The following DPP10 variants were observed in gnomAD, a reference collection of about 807,000 sequenced individuals.
The protein encoded by DPP10 is inactive dipeptidyl peptidase 10.
Under a neutral mutation model 120.9 loss-of-function variants are expected in DPP10, and 33 were observed. That is an observed-to-expected ratio of 0.27 (90% CI 0.21 to 0.37). The LOEUF is 0.37. Ranked by LOEUF, DPP10 falls within the 10% of genes least tolerant of loss-of-function variation. The pLI, the probability that DPP10 is intolerant of heterozygous loss-of-function variation, is 1.00. For missense variants in DPP10, 816 were observed against 942.8 expected, an observed-to-expected ratio of 0.87 and a Z score of 1.76; for synonymous variants, 337 against 326.1, an observed-to-expected ratio of 1.03 and a Z score of -0.36.
chr2:114,924,982 G>C lies in DPP10; in HGVS notation c.61-384257G>C, dbSNP rs367800426. Among the ~76,000 whole-genome samples the C allele has an allele frequency of 2.6e-5, 4 of 151,944 alleles. No individual in the cohort carries two copies. The South Asian group carries it at 6.2e-4, about 24-fold the overall frequency. ...ATCCCAGCACTTTGGGAGGCCGAGG[G>C]GGGCTAATCACGAGGTCAGGAGTTT... On this transcript the variant is annotated intron_variant, in intron 1 of 25. Coordinates refer to ENST00000410059, the MANE Select transcript of DPP10 (RefSeq NM_020868.6).
At chr2:114,880,128 G>A (rs572227980) in intron 1 of DPP10, among the ~76,000 whole-genome samples, 1 of 152,270 alleles carries the variant, frequency 6.6e-6, no homozygotes, top group African/African-American at 2.4e-5. Context: ...TTGAGGCTGT[G>A]AAATTTGATT....
chr2:115,608,453 C>T (rs1448946668), intron 5 of DPP10, among the ~76,000 whole-genome samples: 1 of 151,988 alleles, frequency 6.6e-6, no homozygotes. Flanking sequence ...GCCTGCCAAA[C>T]GTACTCTGTC....
chr2:115,520,444 T>G (rs2077738020), intron 4 of DPP10, among the ~76,000 whole-genome samples: 1 of 152,158 alleles, frequency 6.6e-6, no homozygotes, highest in Non-Finnish European at 1.5e-5. Context: ...GTCTCCATCA[T>G]TCACTATCTG....
chr2:114,928,060 C>A (rs1175859636), intron 1 of DPP10, among the ~76,000 whole-genome samples: 1 of 152,212 alleles, frequency 6.6e-6, no homozygotes, highest in Non-Finnish European at 1.5e-5. Flanking sequence ...TGAGGCCCCA[C>A]CTCCAATCTC....
At chr2:114,769,587 G>A (rs554754936) in intron 1 of DPP10, among the ~76,000 whole-genome samples, 2 of 152,242 alleles carry the variant, frequency 1.3e-5, no homozygotes, top group African/African-American at 4.8e-5. Flanking sequence ...TACTAGTAGG[G>A]TTCTATAAAC....
chr2:114,772,746 C>T (rs1317817076), intron 1 of DPP10, among the ~76,000 whole-genome samples: 1 of 151,968 alleles, frequency 6.6e-6, no homozygotes, highest in African/African-American at 2.4e-5. Flanking sequence ...AGGACCATCT[C>T]CTGGTGGCTA....
chr2:115,051,931 C>G (rs897354018), intron 1 of DPP10, among the ~76,000 whole-genome samples: 12 of 152,098 alleles, frequency 7.9e-5, no homozygotes, highest in Non-Finnish European at 2.9e-5. Context: ...ATGTTATACA[C>G]CGTGTATGCA....
At chr2:114,518,336 C>G (rs13026075) in intron 1 of DPP10, among the ~76,000 whole-genome samples, 21,808 of 152,064 alleles carry the variant, frequency 0.14, 1,667 homozygotes, top group Middle Eastern at 0.25. Context: ...CCTCGGCCTC[C>G]CAACGTGCTA....
chr2:115,648,297 A>G (rs1025773170), intron 5 of DPP10, among the ~76,000 whole-genome samples: 5 of 152,144 alleles, frequency 3.3e-5, no homozygotes, highest in African/African-American at 1.2e-4. Flanking sequence ...GATGTTGGTC[A>G]AAGGATACAA....
intron 5 of DPP10, among the ~76,000 whole-genome samples, chr2:115,559,654 G>A (rs1037336988): frequency 6.6e-6 from 1 of 151,842 alleles, no homozygotes; most frequent in African/African-American, 2.4e-5. Flanking sequence ...TTGTATTTTT[G>A]TTTTCATAAC....
chr2:115,312,949 C>T lies in DPP10; in HGVS notation c.175+3596C>T, dbSNP rs191045874. ...CAATAAGAGTGGCAGTCAGGCCGGA[C>T]GCGATGGCTCACACCTATAATCCCA... On this transcript the variant is annotated intron_variant, in intron 2 of 25. Transcript: ENST00000410059. Among the ~76,000 whole-genome samples the T allele has an allele frequency of 1.4e-4, 22 of 152,154 alleles. No individual in the cohort carries two copies. The East Asian group carries it at 2.1e-3, about 15-fold the overall frequency.
Position 115,211,181 on chromosome 2 carries a change from A to C in DPP10, c.61-98058A>C, listed in dbSNP as rs186828255. Among the ~76,000 whole-genome samples the C allele has an allele frequency of 8.5e-5, 13 of 152,086 alleles. No homozygotes were observed. The East Asian group carries it at 1.7e-3, about 20-fold the overall frequency. ...AAAATGTATTGTTTTGCAAAATGCA[A>C]AATCTTTTTCTCAGAAAGTTGAGTT... On this transcript the variant is annotated intron_variant, in intron 1 of 25. Coordinates refer to ENST00000410059, the MANE Select transcript of DPP10 (RefSeq NM_020868.6).
At chr2:115,281,215 C>G (rs907378904) in intron 1 of DPP10, among the ~76,000 whole-genome samples, 12 of 152,126 alleles carry the variant, frequency 7.9e-5, no homozygotes, top group African/African-American at 2.9e-4. Flanking sequence ...TGAGGCAACT[C>G]TTGATTTTAT....
intron 12 of DPP10, 88 bp downstream of exon 12, chr2:115,762,698 G>C (rs1680262586): frequency 2.7e-6 from 4 of 1,480,492 alleles, no homozygotes; most frequent in Non-Finnish European, 2.8e-6. Context: ...TAAAAAGTAT[G>C]AGTTTAAGGC....
intron 1 of DPP10, among the ~76,000 whole-genome samples, chr2:114,956,302 C>T (rs928078393): frequency 6.6e-6 from 1 of 151,376 alleles, no homozygotes; most frequent in Non-Finnish European, 1.5e-5. Flanking sequence ...TAACAACAAA[C>T]TACCTGAAAA....
chr2:114,689,217 C>G (rs991239782), intron 1 of DPP10, among the ~76,000 whole-genome samples: 1 of 151,682 alleles, frequency 6.6e-6, no homozygotes, highest in African/African-American at 2.4e-5. Flanking sequence ...TCCTAATGCT[C>G]TCCCTCTCCC....
rs369266377 is a variant in DPP10, at chr2:115,727,856, T to C, written c.617T>C (p.Ile206Thr). ...FENNIYYQPD[I>T]KSSSLRLTSS... ...AATAATATCTACTATCAACCTGATA[T>C]AAAGAGCAGTTCATTGCGACTGACA... Residue 206 changes from isoleucine (I) to threonine (T), a missense_variant, in exon 8 of 26, where the codon ATA becomes ACA. Transcript: ENST00000410059. 1.3e-5 allele frequency: 21 copies of C among 1,604,848 alleles called. No individual in the cohort carries two copies. Among genetic ancestry groups the C allele is most frequent in the Non-Finnish European group, 1.4e-5 (16 of 1,176,694 alleles).
intron 5 of DPP10, among the ~76,000 whole-genome samples, chr2:115,669,392 G>A (rs1432396850): frequency 1.3e-5 from 2 of 152,080 alleles, no homozygotes; most frequent in African/African-American, 2.4e-5. Flanking sequence ...GAATGCAAAC[G>A]GGAAAAATTA....
intron 1 of DPP10, among the ~76,000 whole-genome samples, chr2:114,892,343 G>A (rs1221246722): frequency 6.6e-6 from 1 of 152,148 alleles, no homozygotes; most frequent in Non-Finnish European, 1.5e-5. Context: ...CCCACTCTGT[G>A]TACCCAGTTA....
Sources: allele counts gnomAD v4.1 joint callset (sites outside exome capture counted in the v4.1 genomes callset), GRCh38; gene constraint gnomAD v4.1.1; transcripts MANE v1.5; gene names NCBI Gene and HGNC (gene_info 2026-07-23, HGNC 2026-07-21).